The following GGH variants were observed in gnomAD, a reference collection of about 807,000 sequenced individuals.
GGH encodes the protein gamma-Glu-X carboxypeptidase.
GGH carries 18 observed loss-of-function variants against 39.2 expected under a neutral mutation model. The ratio of observed to expected loss-of-function variants is 0.46; its 90% CI spans 0.32 to 0.68. The LOEUF (loss-of-function observed/expected upper bound fraction) is 0.68. Among genes scored for constraint, GGH ranks in the 30% least tolerant of loss-of-function variants. The pLI, the probability that GGH is intolerant of heterozygous loss-of-function variation, is 0.04. For synonymous variants in GGH, 147 were observed against 138.8 expected (o/e 1.06, Z -0.42); for missense variants, 367 against 384.1 (o/e 0.96, Z 0.37).
intron 7 of GGH, among the ~76,000 whole-genome samples, chr8:63,022,287 T>G (rs1390905766): frequency 6.6e-6 from 1 of 152,138 alleles, no homozygotes; most frequent in African/African-American, 2.4e-5. Context: ...CCTGAAAATT[T>G]TTTTTTTAAT....
intron 2 of GGH, among the ~76,000 whole-genome samples, chr8:63,034,982 G>A (rs1037851097): frequency 1.3e-5 from 2 of 152,062 alleles, no homozygotes; most frequent in African/African-American, 2.4e-5. Context: ...CCAGCCACCC[G>A]AGCAATGTAC....
Position 63,026,113 on chromosome 8 carries a change from C to G in GGH, c.499+45G>C, listed in dbSNP as rs1279087535. Reference sequence around the variant, plus strand: ...CTTTCATATTTGCTACTTACTAATCCTGCCCAGCAAATATTTTTCAAAGGG... The same window carrying G: ...CTTTCATATTTGCTACTTACTAATCGTGCCCAGCAAATATTTTTCAAAGGG... On this transcript the variant is annotated intron_variant, in intron 5 of 8. Coordinates refer to ENST00000260118, the MANE Select transcript of GGH (RefSeq NM_003878.3). The G allele has an allele frequency of 2.0e-6, 3 of 1,481,850 alleles. No individual in the cohort carries two copies. In the African/African-American group the frequency reaches 4.4e-5, roughly 22 times the overall value. The allele number at this position is 1,481,850 out of a possible 1,614,324, so 91.8% of individuals were successfully genotyped here.
rs1242709280 is a variant in GGH, at chr8:63,035,693, A to G, written c.187T>C (p.Tyr63His). 9.9e-6 allele frequency: 16 copies of G among 1,613,372 alleles called. No individual in the cohort carries two copies. Among genetic ancestry groups the G allele is most frequent in the African/African-American group, 1.3e-5 (1 of 74,806 alleles). Residue 63 changes from tyrosine (Y) to histidine (H), a missense_variant, in exon 2 of 9, where the codon TAC (tyrosine) becomes CAC (histidine). Coordinates refer to ENST00000260118, the MANE Select transcript of GGH (RefSeq NM_003878.3). The part of the protein sequence containing the change: ...RYYIAASYVK[Y>H]LESAGARVVP... ...ACTCTCGCACCTGCAGACTCCAAGT[A>G]CTTTACATAGGACGCAGCAATATAG... is the stretch of plus-strand genomic sequence containing the variant.
chr8:63,021,669 C>T (rs1197936686), intron 7 of GGH, among the ~76,000 whole-genome samples: 4 of 93,312 alleles, frequency 4.3e-5, no homozygotes, highest in East Asian at 3.6e-4. Flanking sequence ...ATCTCATATC[C>T]TTTTTTTTTT....
At position 63,030,169 on chromosome 8, in the gene GGH, AT is replaced by A; in HGVS notation, c.272del (p.Asn91MetfsTer53). 1 of 1,378,736 alleles carries A rather than the reference AT, an allele frequency of 7.3e-7. No individual in the cohort carries two copies. 85.4% of individuals were successfully genotyped at this position (1,378,736 alleles called of 1,614,324 possible). Reference protein sequence around the residue: ...KDYEILFKSINGILFPGGSVD... With the variant: ...KDYEILFKSIXGILFPGGSVD... The stretch of plus-strand genomic sequence containing the variant: ...TGAAACCAATGCTGCCAACTTACCC[AT>A]TAATAGATTTGAAAAGTATTTCATA... On this transcript the variant is annotated frameshift_variant, in exon 3 of 9. Coordinates refer to ENST00000260118, the MANE Select transcript of GGH (RefSeq NM_003878.3). LOFTEE classifies it high-confidence loss of function.
intron 5 of GGH, among the ~76,000 whole-genome samples, chr8:63,025,676 A>C (rs1804670443): frequency 6.6e-6 from 1 of 152,146 alleles, no homozygotes; most frequent in Non-Finnish European, 1.5e-5. Context: ...GGTTGCAGTG[A>C]GCCGAGATTG....
At chr8:63,025,002 T>C (rs1243609890) in intron 5 of GGH, 1 of 152,236 alleles carries the variant, frequency 6.6e-6, no homozygotes, top group Non-Finnish European at 1.5e-5. Context: ...GTATGACTGC[T>C]ACCTTCCTTG....
At chr8:63,017,401 T>C in intron 8 of GGH, 92 bp downstream of exon 8, 1 of 769,152 alleles carries the variant, frequency 1.3e-6, no homozygotes, top group South Asian at 1.8e-5. Flanking sequence ...TTACAAAACA[T>C]TTATAGAGCA....
chr8:63,030,857 T>G (rs1415754303), intron 2 of GGH, among the ~76,000 whole-genome samples: 1 of 152,094 alleles, frequency 6.6e-6, no homozygotes, highest in African/African-American at 2.4e-5. Flanking sequence ...ACAATCGCCA[T>G]GTTATTGGTG....
intron 2 of GGH, among the ~76,000 whole-genome samples, chr8:63,033,046 T>C (rs1177592083): frequency 6.6e-6 from 1 of 152,238 alleles, no homozygotes. Flanking sequence ...TCTAAACTGG[T>C]CTACCTGCCT....
intron 1 of GGH, among the ~76,000 whole-genome samples, chr8:63,037,090 C>A (rs1317836552): frequency 6.6e-6 from 1 of 152,146 alleles, no homozygotes; most frequent in Non-Finnish European, 1.5e-5. Flanking sequence ...CTGTAGGCCA[C>A]CTGATAGGAA....
chr8:63,035,586 T>C (rs763122267), intron 2 of GGH, 70 bp downstream of exon 2: 1 of 1,542,472 alleles, frequency 6.5e-7, no homozygotes, highest in South Asian at 1.3e-5. Context: ...ATTACAGGCA[T>C]GAGGCACCGC....
chr8:63,026,427 T>C (rs1804685677), intron 4 of GGH, 131 bp from the exon 5 acceptor site: 4 of 682,504 alleles, frequency 5.9e-6, no homozygotes, highest in Non-Finnish European at 9.9e-6. Context: ...CCAGGATCCA[T>C]AAGTAGGCTA....
intron 4 of GGH, chr8:63,026,966 T>C: frequency 1.8e-6 from 1 of 543,880 alleles, no homozygotes; most frequent in Non-Finnish European, 3.2e-6. Flanking sequence ...AGAGGGGCAG[T>C]CAGCAGTGCT....
intron 7 of GGH, 156 bp from the exon 8 acceptor site, chr8:63,017,786 C>G (rs963179224): frequency 1.9e-6 from 1 of 520,604 alleles, no homozygotes; most frequent in Admixed American, 3.7e-5. Context: ...AATTTCCATT[C>G]ATAATCAATG....
intron 2 of GGH, 28 bp downstream of exon 2, chr8:63,035,626 TAA>T (rs34822356): frequency 0.34 from 507,134 of 1,472,580 alleles, 79,525 homozygotes; most frequent in East Asian, 0.63. Context: ...TTATACAGAG[TAA>T]AAAAAAAAAA....
chr8:63,026,025 A>C (rs1300575824), intron 5 of GGH, 133 bp downstream of exon 5: 2 of 661,374 alleles, frequency 3.0e-6, no homozygotes, highest in East Asian at 5.8e-5. Flanking sequence ...TTAAATGCTA[A>C]TGTCATAAGC....
intron 2 of GGH, among the ~76,000 whole-genome samples, chr8:63,031,051 T>C (rs1804793850): frequency 6.6e-6 from 1 of 152,264 alleles, no homozygotes; most frequent in Non-Finnish European, 1.5e-5. Flanking sequence ...CTTCTGTTTC[T>C]GTGACAGAAT....
At chr8:63,023,865 A>G (rs1804637750) in intron 7 of GGH, 42 bp downstream of exon 7, 1 of 1,286,906 alleles carries the variant, frequency 7.8e-7, no homozygotes, top group Non-Finnish European at 1.0e-6. Flanking sequence ...ATTTAAAAAT[A>G]TAAAATAAGT....
Sources: allele counts gnomAD v4.1 joint callset (sites outside exome capture counted in the v4.1 genomes callset), GRCh38; gene constraint gnomAD v4.1.1; transcripts MANE v1.5; gene names NCBI Gene and HGNC (gene_info 2026-07-23, HGNC 2026-07-21).